Variants in RELN observed in about 807,000 individuals in gnomAD.
RELN encodes reelin.
A neutral mutation model predicts 427.6 loss-of-function variants in RELN; 108 were observed. That is an observed-to-expected ratio of 0.25 (90% CI 0.22 to 0.30). The LOEUF is 0.30. Ranked by LOEUF, RELN falls within the 10% of genes least tolerant of loss-of-function variation. The pLI, the probability that RELN is intolerant of heterozygous loss-of-function variation, is 1.00. For synonymous variants in RELN, 1,524 were observed against 1,513.4 expected (o/e 1.01, Z -0.16); for missense variants, 3,715 against 4,302.8 (o/e 0.86, Z 3.82).
chr7:103,508,880 G>A lies in RELN; in HGVS notation c.8274+1971C>T, dbSNP rs186846518. On this transcript the variant is annotated intron_variant, in intron 51 of 64. Transcript: ENST00000428762. ...CCAATAACAGAGAGTCAAATCATGA[G>A]TGAACTCCCATTCACAATTGCTACA... Among the ~76,000 whole-genome samples, 145 of 152,234 alleles carry A rather than the reference G, an allele frequency of 9.5e-4. 1 individual carries two copies. In the South Asian group the frequency reaches 0.011, roughly 12 times the overall value.
At chr7:103,561,223 G>A (rs575170413) in intron 36 of RELN, among the ~76,000 whole-genome samples, 3 of 152,160 alleles carry the variant, frequency 2.0e-5, no homozygotes, top group Non-Finnish European at 4.4e-5. Flanking sequence ...TAAATATTTA[G>A]TAACATAAAA....
In RELN at chr7:103,917,142, T is replaced by C. The variant is rs756578693; in HGVS notation, c.270A>G (p.Thr90=). 5.0e-6 allele frequency: 8 copies of C among 1,613,582 alleles called. No individual in the cohort carries two copies. In the South Asian group the frequency reaches 8.8e-5, roughly 18 times the overall value. Reference sequence around the variant, plus strand: ...GAACACTTGTAGATGTGTATAGTCCTGTCACCAGCAAGCCGTCAAAAAAGG... The same window carrying C: ...GAACACTTGTAGATGTGTATAGTCCCGTCACCAGCAAGCCGTCAAAAAAGG... The part of the protein sequence containing the change: ...TSTFFDGLLV[T]GLYTSTSVQA... Residue 90 remains threonine, a synonymous_variant, in exon 2 of 65, where the codon ACA becomes ACG. Transcript: ENST00000428762.
At chr7:103,874,714 A>T (rs1197849383) in intron 2 of RELN, among the ~76,000 whole-genome samples, 2 of 149,534 alleles carry the variant, frequency 1.3e-5, no homozygotes, top group Non-Finnish European at 3.0e-5. Flanking sequence ...AAGAGGATAC[A>T]AACAAATAGA....
chr7:103,816,578 T>C (rs1481033611), intron 3 of RELN, among the ~76,000 whole-genome samples: 1 of 111,834 alleles, frequency 8.9e-6, no homozygotes, highest in African/African-American at 2.9e-5. Context: ...ACTAAGGCCT[T>C]CCTTCAGGAT....
At chr7:103,692,498 G>T (rs560851183) in intron 10 of RELN, among the ~76,000 whole-genome samples, 1 of 152,186 alleles carries the variant, frequency 6.6e-6, no homozygotes, top group African/African-American at 2.4e-5. Context: ...TTGGGATTGG[G>T]GGTGGTGAGT....
intron 3 of RELN, among the ~76,000 whole-genome samples, chr7:103,793,636 A>G (rs1322412199): frequency 2.0e-5 from 3 of 152,250 alleles, no homozygotes; most frequent in African/African-American, 7.2e-5. Context: ...AAGAAACTTT[A>G]GAGGCTAGTG....
At chr7:103,743,827 C>A (rs1338207815) in intron 6 of RELN, among the ~76,000 whole-genome samples, 1 of 152,128 alleles carries the variant, frequency 6.6e-6, no homozygotes, top group Non-Finnish European at 1.5e-5. Flanking sequence ...GACTTTAACA[C>A]CCCACTGTCA....
At chr7:103,749,582 G>A (rs1410088111) in intron 5 of RELN, 78 bp from the exon 6 acceptor site, 7 of 1,024,172 alleles carry the variant, frequency 6.8e-6, no homozygotes, top group Middle Eastern at 5.7e-4. Flanking sequence ...CCAACATGCT[G>A]TATTTATGAA....
intron 2 of RELN, among the ~76,000 whole-genome samples, chr7:103,854,171 C>A (rs1371363558): frequency 6.6e-6 from 1 of 152,072 alleles, no homozygotes; most frequent in Non-Finnish European, 1.5e-5. Flanking sequence ...GTAGATTCAC[C>A]AACCTGTTTG....
At chr7:103,585,482 A>T (rs1300662611) in intron 28 of RELN, among the ~76,000 whole-genome samples, 1 of 152,188 alleles carries the variant, frequency 6.6e-6, no homozygotes, top group Non-Finnish European at 1.5e-5. Context: ...GGAAACATAC[A>T]ACCTCCCAAG....
intron 46 of RELN, among the ~76,000 whole-genome samples, chr7:103,523,935 C>G (rs1829765171): frequency 6.6e-6 from 1 of 152,178 alleles, no homozygotes; most frequent in South Asian, 2.1e-4. Context: ...CCTCAGCCTC[C>G]CAAAGTGCGG....
At chr7:103,591,782 A>G (rs1831422628) in intron 27 of RELN, among the ~76,000 whole-genome samples, 1 of 152,172 alleles carries the variant, frequency 6.6e-6, no homozygotes, top group Non-Finnish European at 1.5e-5. Flanking sequence ...TAGAAATCAG[A>G]TATAGGGTAG....
At chr7:103,812,181 T>C (rs1042636678) in intron 3 of RELN, among the ~76,000 whole-genome samples, 1 of 152,092 alleles carries the variant, frequency 6.6e-6, no homozygotes, top group African/African-American at 2.4e-5. Context: ...TGACTTTTAC[T>C]TTCACTCCTT....
chr7:103,627,393 C>T (rs1832352086), intron 20 of RELN, among the ~76,000 whole-genome samples: 1 of 152,036 alleles, frequency 6.6e-6, no homozygotes, highest in Non-Finnish European at 1.5e-5. Context: ...AAAACATCCC[C>T]AAGGTGAATT....
Position 103,979,194 on chromosome 7 carries a change from TTTAAC to T in RELN, c.226+9932_226+9936del, listed in dbSNP as rs768838955. Among the ~76,000 whole-genome samples, 5 of 152,226 alleles carry T rather than the reference TTTAAC, an allele frequency of 3.3e-5. No homozygotes were observed. The East Asian group carries it at 7.7e-4, about 23-fold the overall frequency. On this transcript the variant is annotated intron_variant, in intron 1 of 64. Transcript: ENST00000428762. ...CCTGAATCTCTCCTCGGCCCTTTTA[TTTAAC>T]TTTTACCAGGGGTCAGCGGATCTTG...
intron 3 of RELN, among the ~76,000 whole-genome samples, chr7:103,786,521 A>C (rs951708658): frequency 2.5e-4 from 36 of 143,970 alleles, no homozygotes; most frequent in Non-Finnish European, 4.8e-4. Context: ...TGGAACCAAA[A>C]AAAAAAAAAA....
intron 2 of RELN, among the ~76,000 whole-genome samples, chr7:103,837,551 C>T (rs370061030): frequency 5.9e-5 from 9 of 152,322 alleles, no homozygotes; most frequent in African/African-American, 2.2e-4. Context: ...CTCTTCAAGG[C>T]AAGGCTCAAT....
chr7:103,630,238 T>G, intron 19 of RELN, 62 bp from the exon 20 acceptor site: 1 of 1,080,614 alleles, frequency 9.3e-7, no homozygotes, highest in Non-Finnish European at 1.4e-6. Context: ...CAAATATTTA[T>G]AGTGGGATAG....
chr7:103,500,481 A>G (rs1170680390), intron 53 of RELN, among the ~76,000 whole-genome samples: 1 of 150,070 alleles, frequency 6.7e-6, no homozygotes, highest in Non-Finnish European at 1.5e-5. Flanking sequence ...TCTGCTTAAG[A>G]AAAAAAAAAG....
Sources: allele counts gnomAD v4.1 joint callset (sites outside exome capture counted in the v4.1 genomes callset), GRCh38; gene constraint gnomAD v4.1.1; transcripts MANE v1.5; gene names NCBI Gene and HGNC (gene_info 2026-07-23, HGNC 2026-07-21).